The following RAB27A variants were observed in gnomAD, a reference collection of about 807,000 sequenced individuals.
RAB27A encodes RAB27A, member RAS oncogene family, also known as ras-related protein Rab-27A.
In RAB27A, 17 loss-of-function variants were observed where a neutral mutation model predicts 20.8. That is an observed-to-expected ratio of 0.82 (90% confidence interval 0.56 to 1.23). The LOEUF (loss-of-function observed/expected upper bound fraction) is 1.23, where lower values mean the gene tolerates loss of function less well. RAB27A is among the 50% of genes most tolerant of loss of function. RAB27A has a pLI of 0.00. For synonymous variants in RAB27A, 85 were observed against 92.8 expected (o/e 0.92, Z 0.48); for missense variants, 277 against 266.7 (o/e 1.04, Z -0.27).
At chr15:55,227,023 T>C (rs1412425116) in intron 5 of RAB27A, among the ~76,000 whole-genome samples, 2 of 152,202 alleles carry the variant, frequency 1.3e-5, no homozygotes, top group Non-Finnish European at 2.9e-5. Flanking sequence ...ATTACACCTT[T>C]TTGTTTAAAT....
At chr15:55,228,780 A>T in intron 4 of RAB27A, 68 bp from the exon 5 acceptor site, 1 of 1,083,120 alleles carries the variant, frequency 9.2e-7, no homozygotes, top group Non-Finnish European at 1.4e-6. Flanking sequence ...AACTACAAGC[A>T]ATGCCTTCAG....
chr15:55,244,016 C>A (rs517707), intron 2 of RAB27A, among the ~76,000 whole-genome samples: 52,847 of 151,870 alleles, frequency 0.35, 10,273 homozygotes, highest in East Asian at 0.75. Flanking sequence ...AAGTGTGAAG[C>A]TTGGGCGGGC....
chr15:55,268,316 T>C (rs993685074), intron 2 of RAB27A, among the ~76,000 whole-genome samples: 2 of 152,204 alleles, frequency 1.3e-5, no homozygotes, highest in African/African-American at 4.8e-5. Flanking sequence ...GTCACCACAC[T>C]GGAATGGAAG....
intron 5 of RAB27A, among the ~76,000 whole-genome samples, chr15:55,224,282 T>C (rs1324105054): frequency 6.6e-6 from 1 of 152,250 alleles, no homozygotes; most frequent in African/African-American, 2.4e-5. Flanking sequence ...GGCCCACATG[T>C]GCACACGCAC....
chr15:55,247,220 C>A (rs1221678922), intron 2 of RAB27A, among the ~76,000 whole-genome samples: 1 of 152,112 alleles, frequency 6.6e-6, no homozygotes, highest in Non-Finnish European at 1.5e-5. Context: ...ACAGGGAATT[C>A]TGGTATTAAC....
At chr15:55,286,689 T>A (rs977594165) in intron 1 of RAB27A, among the ~76,000 whole-genome samples, 1 of 151,922 alleles carries the variant, frequency 6.6e-6, no homozygotes, top group Non-Finnish European at 1.5e-5. Context: ...GTATAGACCA[T>A]GGTGAGGACT....
intron 2 of RAB27A, among the ~76,000 whole-genome samples, chr15:55,299,809 C>T (rs924772340): frequency 2.0e-5 from 3 of 151,532 alleles, no homozygotes; most frequent in Non-Finnish European, 4.4e-5. Flanking sequence ...TATAGCAATC[C>T]TAATTTCTTT....
At chr15:55,267,538 A>G (rs997392074) in intron 2 of RAB27A, among the ~76,000 whole-genome samples, 3 of 152,218 alleles carry the variant, frequency 2.0e-5, no homozygotes, top group African/African-American at 7.2e-5. Context: ...AGCGCAAAAG[A>G]AAATGTGCTG....
intron 1 of RAB27A, among the ~76,000 whole-genome samples, chr15:55,314,468 G>C (rs1241157607): frequency 2.0e-5 from 3 of 152,220 alleles, no homozygotes; most frequent in Non-Finnish European, 2.9e-5. Context: ...AATAGGAAGA[G>C]AGGAAGTCAA....
intron 2 of RAB27A, among the ~76,000 whole-genome samples, chr15:55,257,923 G>A (rs1026966631): frequency 6.6e-6 from 1 of 152,056 alleles, no homozygotes; most frequent in African/African-American, 2.4e-5. Flanking sequence ...AACCTGGGAG[G>A]CAAAGGTTAC....
In RAB27A at chr15:55,282,652, C is replaced by T. The variant is rs145953370; in HGVS notation, c.-143+7064G>A. Among the ~76,000 whole-genome samples the T allele has an allele frequency of 1.3e-4, 20 of 152,232 alleles. 1 individual carries two copies. Among genetic ancestry groups the T allele is most frequent in the Admixed American group, 7.2e-4 (11 of 15,298 alleles). ...GAGCTTATCGTGCAAAGACTGAGAACCCAAGTCCCTGTGTAACCCTTCAGG... is the reference window on the plus strand; with the variant it reads ...GAGCTTATCGTGCAAAGACTGAGAATCCAAGTCCCTGTGTAACCCTTCAGG... On this transcript the variant is annotated intron_variant, in intron 1 of 6. Transcript: ENST00000336787.
In RAB27A at chr15:55,209,797, T is replaced by C. The variant is rs540355707; in HGVS notation, c.468-4092A>G. ...ATATATACACACATATGTGTGTATG[T>C]ATACATATATACACACATGTGTGTA... is the stretch of plus-strand genomic sequence containing the variant. On this transcript the variant is annotated intron_variant, in intron 6 of 6. Coordinates refer to ENST00000336787, the MANE Select transcript of RAB27A (RefSeq NM_183235.3). Among the ~76,000 whole-genome samples the C allele has an allele frequency of 2.1e-3, 293 of 138,928 alleles. 23 individuals are homozygous for C. The highest frequency in any genetic ancestry group is 3.0e-3 in the Non-Finnish European group (194 of 64,872). 91.1% of individuals were successfully genotyped at this position (138,928 alleles called of 152,430 possible).
chr15:55,304,832 CATAT>C (rs36001856), intron 2 of RAB27A, among the ~76,000 whole-genome samples: 2 of 148,468 alleles, frequency 1.3e-5, no homozygotes, highest in African/African-American at 2.5e-5. Flanking sequence ...TTAGTGTGAA[CATAT>C]ATATATATAT....
intron 2 of RAB27A, among the ~76,000 whole-genome samples, chr15:55,252,704 G>GTATC (rs57596484): frequency 1.3e-5 from 2 of 151,830 alleles, no homozygotes; most frequent in African/African-American, 2.4e-5. Context: ...ACAGATATAC[G>GTATC]TATCTATCTA....
At chr15:55,293,237 A>C (rs898545975), upstream of RAB27A, among the ~76,000 whole-genome samples, 5 of 152,184 alleles carry the variant, frequency 3.3e-5, no homozygotes, top group African/African-American at 9.7e-5. Flanking sequence ...TGTATGTATT[A>C]TCTAGCTCTG....
chr15:55,255,615 ACTGATAG>A (rs1213692999), intron 2 of RAB27A, among the ~76,000 whole-genome samples: 1 of 152,138 alleles, frequency 6.6e-6, no homozygotes, highest in African/African-American at 2.4e-5. Flanking sequence ...TGGGGACTCC[ACTGATAG>A]CTGTGCTTTT....
intron 2 of RAB27A, among the ~76,000 whole-genome samples, chr15:55,303,959 G>A (rs1379616028): frequency 2.0e-5 from 3 of 149,502 alleles, no homozygotes; most frequent in African/African-American, 7.5e-5. Context: ...TGTCTGGGAG[G>A]TGTGCCCAAC....
At chr15:55,263,683 T>G (rs912000939) in intron 2 of RAB27A, among the ~76,000 whole-genome samples, 1 of 152,226 alleles carries the variant, frequency 6.6e-6, no homozygotes, top group African/African-American at 2.4e-5. Flanking sequence ...ATGTCTCTTC[T>G]TAATTTTAAA....
chr15:55,276,127 G>T (rs912368012), intron 1 of RAB27A, among the ~76,000 whole-genome samples: 1 of 152,162 alleles, frequency 6.6e-6, no homozygotes, highest in East Asian at 1.9e-4. Flanking sequence ...ACATCTGAAA[G>T]AATTGAAATC....
Sources: allele counts gnomAD v4.1 joint callset (sites outside exome capture counted in the v4.1 genomes callset), GRCh38; gene constraint gnomAD v4.1.1; transcripts MANE v1.5; gene names NCBI Gene and HGNC (gene_info 2026-07-23, HGNC 2026-07-21).